Variants in SLC2A9 observed in about 807,000 individuals in gnomAD.
SLC2A9 encodes the protein solute carrier family 2, facilitated glucose transporter member 9.
In SLC2A9, 39 loss-of-function variants were observed where a neutral mutation model predicts 50.6. The ratio of observed to expected loss-of-function variants is 0.77; its 90% confidence interval spans 0.60 to 1.01. The LOEUF (loss-of-function observed/expected upper bound fraction) is 1.01, where lower values mean the gene tolerates loss of function less well. SLC2A9 is among the 50% of genes least tolerant of loss of function. SLC2A9 has a pLI of 0.00. For synonymous variants in SLC2A9, 324 were observed against 276.9 expected (o/e 1.17, Z -1.69); for missense variants, 686 against 677.6 (o/e 1.01, Z -0.14).
intron 3 of SLC2A9, among the ~76,000 whole-genome samples, chr4:9,791,408 C>A (rs1261349024): frequency 6.6e-6 from 1 of 152,168 alleles, no homozygotes; most frequent in Non-Finnish European, 1.5e-5. Flanking sequence ...AGGAACTGTA[C>A]TCTAGGAGCT....
At chr4:9,773,853 A>G (rs1414052468) in intron 1 of SLC2A9, among the ~76,000 whole-genome samples, 1 of 152,170 alleles carries the variant, frequency 6.6e-6, no homozygotes, top group East Asian at 1.9e-4. Flanking sequence ...TCCCCACCAG[A>G]CAAGCAGCTC....
chr4:9,844,824 A>G lies in SLC2A9; in HGVS notation c.1292-9816T>C, dbSNP rs548723239. On this transcript the variant is annotated intron_variant, in intron 10 of 11. Transcript: ENST00000264784. ...CTCAGTTTTCTCATCTATAAAATGA[A>G]GATAACAATAGTTCCTACTTAGTTT... Among the ~76,000 whole-genome samples the G allele has an allele frequency of 2.6e-5, 4 of 152,376 alleles. No homozygotes were observed. In the East Asian group the frequency reaches 7.7e-4, roughly 29 times the overall value.
intron 5 of SLC2A9, among the ~76,000 whole-genome samples, chr4:9,977,706 G>A (rs1755041435): frequency 6.6e-6 from 1 of 151,900 alleles, no homozygotes; most frequent in Non-Finnish European, 1.5e-5. Context: ...TCATCCTCAA[G>A]CCATGAGTTT....
At chr4:9,945,497 T>C (rs2018643) in intron 5 of SLC2A9, among the ~76,000 whole-genome samples, 74,382 of 152,060 alleles carry the variant, frequency 0.49, 19,654 homozygotes, top group African/African-American at 0.68. Flanking sequence ...ATCTCCACTA[T>C]ACAGAAATAT....
intron 5 of SLC2A9, among the ~76,000 whole-genome samples, chr4:9,950,486 A>G (rs187016811): frequency 3.3e-5 from 5 of 152,288 alleles, no homozygotes; most frequent in Admixed American, 3.3e-4. Flanking sequence ...TTCTCAAGCA[A>G]TCTTATGGGA....
At chr4:9,861,754 C>T (rs374830436) in intron 10 of SLC2A9, among the ~76,000 whole-genome samples, 6 of 151,918 alleles carry the variant, frequency 3.9e-5, no homozygotes, top group African/African-American at 1.5e-4. Flanking sequence ...TGTCCTCATC[C>T]GGAGAGTCTT....
intron 10 of SLC2A9, among the ~76,000 whole-genome samples, chr4:9,869,116 A>G (rs1389671588): frequency 1.3e-5 from 2 of 152,188 alleles, no homozygotes; most frequent in African/African-American, 4.8e-5. Flanking sequence ...TAATGATCTC[A>G]TTTGACTCTC....
rs139274939 is a variant in SLC2A9, at chr4:9,980,727, G to A, written c.546C>T (p.Leu182=). 54 of 1,614,082 alleles carry A rather than the reference G, an allele frequency of 3.3e-5. No individual in the cohort carries two copies. The African/African-American group carries it at 6.7e-4, about 20-fold the overall frequency. The change falls in exon 5 of 12, where the codon CTC becomes CTT. Residue 182 remains leucine (L), a synonymous_variant. Transcript: ENST00000264784. ...FIMGIDGGVA[L]SVLPMYLSEI... is the part of the protein sequence containing the mutation. ...CACTAAGGTACATGGGGAGCACACTGAGGGCGACGCCTGTAGAGAGAAAGC... is the reference window on the plus strand; with the variant it reads ...CACTAAGGTACATGGGGAGCACACTAAGGGCGACGCCTGTAGAGAGAAAGC...
chr4:10,014,154 C>T (rs1395512884), intron 2 of SLC2A9, among the ~76,000 whole-genome samples: 1 of 152,152 alleles, frequency 6.6e-6, no homozygotes, highest in Non-Finnish European at 1.5e-5. Context: ...CTGCTCTGTT[C>T]CTGGTCTCCC....
chr4:9,935,759 C>A (rs1195958090), intron 6 of SLC2A9, among the ~76,000 whole-genome samples: 2 of 152,222 alleles, frequency 1.3e-5, no homozygotes, highest in Non-Finnish European at 2.9e-5. Flanking sequence ...AGCACCGTCT[C>A]GCCTGCAGAT....
At chr4:9,971,602 G>A (rs994649806) in intron 5 of SLC2A9, among the ~76,000 whole-genome samples, 23 of 152,172 alleles carry the variant, frequency 1.5e-4, no homozygotes, top group Non-Finnish European at 2.9e-4. Context: ...CGTGAGACAG[G>A]TTGATCCCAG....
rs572391140 is a variant in SLC2A9, at chr4:10,033,201, A to C, written c.-41+6929T>G. Among the ~76,000 whole-genome samples, 42 of 152,260 alleles carry C rather than the reference A, an allele frequency of 2.8e-4. No homozygotes were observed. The East Asian group carries it at 6.0e-3, about 22-fold the overall frequency. ...TGTTATGTGGGATTGTGTTACAGGA[A>C]AGAGCTAAGGTTGTTTGTCTTGCAA... On this transcript the variant is annotated intron_variant, in intron 1 of 12. Transcript: ENST00000309065.
At chr4:9,778,053 TTTCCTTCCTTC>T (rs1717808254), downstream of SLC2A9, among the ~76,000 whole-genome samples, 2 of 14,052 alleles carry the variant, frequency 1.4e-4, no homozygotes, top group Non-Finnish European at 4.1e-4. Flanking sequence ...TCTTTCTTTC[TTTCCTTCCTTC>T]CTTCCTTCCT....
intron 2 of SLC2A9, among the ~76,000 whole-genome samples, chr4:10,014,949 AAG>A (rs1317970499): frequency 3.3e-5 from 5 of 152,176 alleles, no homozygotes; most frequent in Admixed American, 6.5e-5. Context: ...TAGGGAGGGG[AAG>A]AGTTTGGGGA....
intron 2 of SLC2A9, among the ~76,000 whole-genome samples, chr4:10,010,748 C>T (rs7666545): frequency 0.77 from 116,820 of 152,174 alleles, 45,260 homozygotes; most frequent in Non-Finnish European, 0.83. Flanking sequence ...TCACTGTCTA[C>T]CCTTTTGATT....
chr4:9,913,895 C>T (rs1742367742), intron 7 of SLC2A9, among the ~76,000 whole-genome samples: 1 of 152,238 alleles, frequency 6.6e-6, no homozygotes, highest in African/African-American at 2.4e-5. Context: ...TCTTGTGCCT[C>T]TCTCTGTCTC....
chr4:9,820,904 C>T (rs1019827119), intron 3 of SLC2A9, among the ~76,000 whole-genome samples: 5 of 152,172 alleles, frequency 3.3e-5, no homozygotes, highest in Admixed American at 6.5e-5. Context: ...GCTTTTCAAT[C>T]TGTACACCTT....
chr4:9,797,333 T>C (rs1317484385), downstream of SLC2A9, among the ~76,000 whole-genome samples: 1 of 152,220 alleles, frequency 6.6e-6, no homozygotes, highest in Non-Finnish European at 1.5e-5. Flanking sequence ...TTTTCTTTTG[T>C]TCCCATGGCT....
intron 6 of SLC2A9, among the ~76,000 whole-genome samples, chr4:9,935,835 C>A (rs1340100488): frequency 6.6e-6 from 1 of 152,228 alleles, no homozygotes; most frequent in Non-Finnish European, 1.5e-5. Flanking sequence ...CCATTCCACT[C>A]TTTCCTGCAG....
Sources: allele counts gnomAD v4.1 joint callset (sites outside exome capture counted in the v4.1 genomes callset), GRCh38; gene constraint gnomAD v4.1.1; transcripts MANE v1.5; gene names NCBI Gene and HGNC (gene_info 2026-07-23, HGNC 2026-07-21).